CCDC63: variants seen among roughly 807,000 people sequenced by gnomAD.
CCDC63 encodes the protein coiled-coil domain containing 63.
A neutral mutation model predicts 63.6 loss-of-function variants in CCDC63; 54 were observed. That is an observed-to-expected ratio of 0.85 (90% CI 0.68 to 1.07). The LOEUF is 1.07. Ranked by LOEUF, CCDC63 falls within the 50% of genes least tolerant of loss-of-function variation. The pLI, the probability that CCDC63 is intolerant of heterozygous loss-of-function variation, is 0.00. For missense variants in CCDC63, 637 were observed against 689.6 expected (o/e 0.92, Z 0.86); for synonymous variants, 253 against 266.1 (o/e 0.95, Z 0.48).
chr12:110,873,730 A>G (rs902153728), intron 4 of CCDC63, 112 bp from the exon 5 acceptor site: 82 of 1,335,218 alleles, frequency 6.1e-5, no homozygotes, highest in Non-Finnish European at 8.1e-5. Flanking sequence ...TGAACTGTAG[A>G]GCTGGTACCC....
chr12:110,882,864 T>A (rs948974896), intron 7 of CCDC63, among the ~76,000 whole-genome samples: 1 of 151,722 alleles, frequency 6.6e-6, no homozygotes, highest in Non-Finnish European at 1.5e-5. Flanking sequence ...ATTTATTTAT[T>A]TATTTATTTT....
intron 7 of CCDC63, among the ~76,000 whole-genome samples, chr12:110,883,102 A>G (rs546231896): frequency 2.2e-3 from 327 of 151,138 alleles, no homozygotes; most frequent in African/African-American, 7.8e-3. Flanking sequence ...CAGTGGCGCA[A>G]TCTCGGCTCA....
At position 110,888,851 on chromosome 12, in the gene CCDC63, T is replaced by TTCCC. The variant is rs1555255133; in HGVS notation, c.1075-4222_1075-4221insCTCC. Among the ~76,000 whole-genome samples, 416 of 80,570 alleles carry TTCCC rather than the reference T, an allele frequency of 5.2e-3. 5 individuals are homozygous for TTCCC. The highest frequency in any genetic ancestry group is 0.011 in the African/African-American group (273 of 25,252). The allele number at this position is 80,570 out of a possible 152,430, so 52.9% of individuals were successfully genotyped here. A position where few individuals can be genotyped will look rare whatever the true frequency, so the allele number is the denominator to read the frequency against. On this transcript the variant is annotated intron_variant, in intron 8 of 11. Coordinates refer to ENST00000308208, the MANE Select transcript of CCDC63 (RefSeq NM_152591.3). ...CTTCCTTCCTTCCTTCCTTCCTTCC[T>TTCCC]TCCTTCCTTCGTTTTTCTTTCTTTT...
intron 8 of CCDC63, among the ~76,000 whole-genome samples, chr12:110,888,790 CTT>C (rs2071317647): frequency 2.4e-4 from 1 of 4,150 alleles, no homozygotes; most frequent in African/African-American, 2.2e-3. Flanking sequence ...TCCTTCTTTC[CTT>C]CCTTCCTTCC....
rs116433445 is a variant in CCDC63, at chr12:110,906,709, G to A, written c.1547-622G>A. Among the ~76,000 whole-genome samples the A allele has an allele frequency of 8.3e-3, 1,262 of 152,118 alleles. 15 individuals carry two copies. Among genetic ancestry groups the A allele is most frequent in the African/African-American group, 0.029 (1,220 of 41,482 alleles). ...AGATCCTGTGTGTTTCAGCTGAGGAGACTGAAACGCAGCAGGAGTGAAAGC... is the reference window on the plus strand; with the variant it reads ...AGATCCTGTGTGTTTCAGCTGAGGAAACTGAAACGCAGCAGGAGTGAAAGC... On this transcript the variant is annotated intron_variant, in intron 11 of 11. Transcript: ENST00000308208.
At chr12:110,858,152 TAAAATAA>T (rs2070801997) in intron 3 of CCDC63, among the ~76,000 whole-genome samples, 3 of 120,008 alleles carry the variant, frequency 2.5e-5, no homozygotes, top group Non-Finnish European at 3.8e-5. Flanking sequence ...TAAAATAAAA[TAAAATAA>T]AAAATAAAAT....
intron 4 of CCDC63, among the ~76,000 whole-genome samples, chr12:110,859,505 C>T (rs974830597): frequency 6.6e-6 from 1 of 151,894 alleles, no homozygotes; most frequent in East Asian, 1.9e-4. Flanking sequence ...AGGGTTTCAC[C>T]ATGTTGGCCA....
intron 4 of CCDC63, among the ~76,000 whole-genome samples, chr12:110,859,867 T>A (rs1485515269): frequency 6.6e-6 from 1 of 152,014 alleles, no homozygotes. Context: ...TGCCTACCCC[T>A]TGGCCCACCT....
At chr12:110,905,166 T>A (rs2071542588) in intron 11 of CCDC63, among the ~76,000 whole-genome samples, 1 of 152,196 alleles carries the variant, frequency 6.6e-6, no homozygotes. Flanking sequence ...TCACCCTATC[T>A]ATGCTCCTGA....
upstream of CCDC63, chr12:110,845,815 G>A (rs2136629444): frequency 6.6e-6 from 1 of 150,652 alleles, no homozygotes; most frequent in East Asian, 2.0e-4. Context: ...GCTGGAGTGA[G>A]TGTGATCTTG....
chr12:110,881,240 TG>T lies in CCDC63; in HGVS notation c.798del (p.Leu267SerfsTer4), dbSNP rs1285007791. 6.2e-7 allele frequency: 1 copy of T among 1,613,822 alleles called. No individual in the cohort carries two copies. Among genetic ancestry groups the T allele is most frequent in the African/African-American group, 1.3e-5 (1 of 74,902 alleles). ...CATGAGAGCAAGCTCAAGTCCTTCC[TG>T]CTCGTCAAGCTGAATGATCGCAATG... The part of the protein sequence containing the change: ...YAHESKLKSF[L>X]LVKLNDRNEF... On this transcript the variant is annotated frameshift_variant, in exon 7 of 12. Transcript: ENST00000308208. LOFTEE classifies it high-confidence loss of function.
intron 3 of CCDC63, among the ~76,000 whole-genome samples, chr12:110,857,057 G>A (rs1320330775): frequency 1.3e-5 from 2 of 151,802 alleles, no homozygotes; most frequent in East Asian, 1.9e-4. Context: ...CTTCTGCCTC[G>A]GCCTCCCAAA....
At chr12:110,888,904 C>T (rs764627991) in intron 8 of CCDC63, among the ~76,000 whole-genome samples, 7 of 150,380 alleles carry the variant, frequency 4.7e-5, no homozygotes, top group Non-Finnish European at 1.0e-4. Context: ...CAGGATCTCA[C>T]ACTGTCACCC....
At chr12:110,857,326 C>T (rs1034173193) in intron 3 of CCDC63, among the ~76,000 whole-genome samples, 1 of 150,478 alleles carries the variant, frequency 6.6e-6, no homozygotes, top group African/African-American at 2.5e-5. Context: ...GGGGTTTCAC[C>T]ATCTTAGCCA....
chr12:110,856,716 A>G (rs11065733), intron 3 of CCDC63, among the ~76,000 whole-genome samples: 87,717 of 152,026 alleles, frequency 0.58, 26,268 homozygotes, highest in Admixed American at 0.66. Flanking sequence ...GGGATCTACA[A>G]ACTACAGCCA....
chr12:110,868,513 C>G (rs981303522), intron 4 of CCDC63, among the ~76,000 whole-genome samples: 2 of 150,212 alleles, frequency 1.3e-5, no homozygotes, highest in East Asian at 2.0e-4. Context: ...GCGGATCACT[C>G]GCGGTTAGGG....
At chr12:110,859,888 G>A (rs920661293) in intron 4 of CCDC63, among the ~76,000 whole-genome samples, 9 of 151,986 alleles carry the variant, frequency 5.9e-5, no homozygotes, top group African/African-American at 1.7e-4. Context: ...CAGGGCCTTT[G>A]CTTATGCTCC....
chr12:110,894,256 C>G (rs1395010332), intron 9 of CCDC63, among the ~76,000 whole-genome samples: 3 of 152,150 alleles, frequency 2.0e-5, no homozygotes, highest in African/African-American at 7.2e-5. Flanking sequence ...TTAAAAGTGC[C>G]TTCCCAGAAG....
At chr12:110,895,061 A>C (rs2071401522) in intron 9 of CCDC63, among the ~76,000 whole-genome samples, 1 of 146,716 alleles carries the variant, frequency 6.8e-6, no homozygotes, top group Admixed American at 6.9e-5. Flanking sequence ...TTACAGGTGC[A>C]CACCACCATG....
Sources: gnomAD v4.1 joint callset for allele counts (sites outside exome capture counted in the v4.1 genomes callset) on GRCh38, gnomAD v4.1.1 for gene constraint, MANE v1.5 for transcripts, NCBI Gene and HGNC (gene_info 2026-07-23, HGNC 2026-07-21) for gene names.